The following ST18 variants were observed in gnomAD, a reference collection of about 807,000 sequenced individuals.
The protein encoded by ST18 is ST18 C2H2C-type zinc finger transcription factor.
ST18 carries 50 observed loss-of-function variants against 110.0 expected under a neutral mutation model. That is an observed-to-expected ratio of 0.45 (90% confidence interval 0.36 to 0.58). The LOEUF (loss-of-function observed/expected upper bound fraction) is 0.58. Among genes scored for constraint, ST18 ranks in the 20% least tolerant of loss-of-function variants. The pLI is 0.00. For missense variants in ST18, 1,306 were observed against 1,280.1 expected (o/e 1.02, Z -0.31); for synonymous variants, 461 against 452.4 (o/e 1.02, Z -0.24).
At chr8:52,350,745 G>C (rs1819922055) in intron 2 of ST18, among the ~76,000 whole-genome samples, 1 of 150,680 alleles carries the variant, frequency 6.6e-6, no homozygotes. Flanking sequence ...TTTTGAGATG[G>C]AGTCTCGCTC....
At chr8:52,204,866 G>A (rs2079376076) in intron 8 of ST18, among the ~76,000 whole-genome samples, 2 of 152,070 alleles carry the variant, frequency 1.3e-5, no homozygotes, top group African/African-American at 4.8e-5. Context: ...GGTTGACAGA[G>A]GCCACCAATA....
At chr8:52,125,877 CA>C in intron 23 of ST18, 174 bp downstream of exon 23, 1 of 563,648 alleles carries the variant, frequency 1.8e-6, no homozygotes, top group Non-Finnish European at 3.0e-6. Context: ...AGGAAAACAC[CA>C]AAAAATTGGT....
intron 10 of ST18, among the ~76,000 whole-genome samples, chr8:52,169,066 T>C (rs1013657002): frequency 7.2e-5 from 11 of 152,120 alleles, no homozygotes; most frequent in Admixed American, 3.3e-4. Context: ...GAGAGGGTGC[T>C]AGAGATAAGG....
Position 52,180,268 on chromosome 8 carries a change from T to A in ST18, c.131A>T (p.Asp44Val), listed in dbSNP as rs1198243517. 1 of 1,614,222 alleles carries A rather than the reference T, an allele frequency of 6.2e-7. No individual in the cohort carries two copies. The highest frequency in any genetic ancestry group is 8.5e-7 in the Non-Finnish European group (1 of 1,180,034). Residue 44 changes from aspartate (D) to valine (V), a missense_variant, in exon 9 of 26, where the codon GAT becomes GTT. Physicochemically the swap from Asp to Val is radical, Grantham distance 152. Transcript: ENST00000689386. ...CSMAKKRTAE[D>V]QALGVPVNKR... ...GTTGACTGGAACCCCCAAAGCCTGA[T>A]CTTCAGCTGTTCTCTTCTTTGCCAT... is the stretch of plus-strand genomic sequence containing the variant.
At chr8:52,254,363 A>G (rs1161387576) in intron 2 of ST18, 1 of 152,176 alleles carries the variant, frequency 6.6e-6, no homozygotes, top group East Asian at 1.9e-4. Flanking sequence ...AGTGCCTTTG[A>G]CTGCTTAGAG....
At chr8:52,224,202 T>C (rs986252471) in intron 3 of ST18, among the ~76,000 whole-genome samples, 1 of 152,240 alleles carries the variant, frequency 6.6e-6, no homozygotes, top group South Asian at 2.1e-4. Flanking sequence ...TATGATACTT[T>C]AAGTTATAGT....
intron 2 of ST18, among the ~76,000 whole-genome samples, chr8:52,280,769 A>G (rs1194042825): frequency 6.6e-6 from 1 of 152,082 alleles, no homozygotes; most frequent in South Asian, 2.1e-4. Flanking sequence ...AATTGGACAC[A>G]TCTATCATAA....
At chr8:52,276,144 TGC>T (rs2139023624) in intron 2 of ST18, among the ~76,000 whole-genome samples, 1 of 7,240 alleles carries the variant, frequency 1.4e-4, no homozygotes, top group Non-Finnish European at 3.3e-4. Context: ...ACACACCACA[TGC>T]ACACCACGCA....
chr8:52,286,948 A>G (rs1459009410), intron 2 of ST18, among the ~76,000 whole-genome samples: 5 of 152,048 alleles, frequency 3.3e-5, no homozygotes, highest in Admixed American at 3.3e-4. Flanking sequence ...GGTATGTGTG[A>G]TACAGGTGTG....
chr8:52,329,374 C>T (rs936122943), intron 2 of ST18, among the ~76,000 whole-genome samples: 3 of 152,024 alleles, frequency 2.0e-5, no homozygotes, highest in African/African-American at 7.3e-5. Flanking sequence ...ATGGAGACAG[C>T]CTCCAGCAGA....
chr8:52,328,043 C>T (rs954929513), intron 2 of ST18, among the ~76,000 whole-genome samples: 1 of 152,170 alleles, frequency 6.6e-6, no homozygotes, highest in African/African-American at 2.4e-5. Context: ...TGAGAATAAT[C>T]TTAACTCAAG....
chr8:52,409,129 A>G (rs1474469256), intron 2 of ST18, 199 bp downstream of exon 2: 2 of 152,240 alleles, frequency 1.3e-5, no homozygotes, highest in Non-Finnish European at 2.9e-5. Context: ...AGCCGGCATT[A>G]GAAACAACTC....
At chr8:52,113,954 G>GTTT (rs1158213340) in intron 25 of ST18, among the ~76,000 whole-genome samples, 3,920 of 45,320 alleles carry the variant, frequency 0.086, 1,451 homozygotes, top group Non-Finnish European at 0.11. Flanking sequence ...TTCATACCGT[G>GTTT]TTTTTTTTTT....
chr8:52,169,125 C>T (rs1563826343), intron 10 of ST18, among the ~76,000 whole-genome samples: 1 of 152,112 alleles, frequency 6.6e-6, no homozygotes, highest in South Asian at 2.1e-4. Flanking sequence ...CACCGTGCCC[C>T]TTTGTCTGTA....
intron 2 of ST18, among the ~76,000 whole-genome samples, chr8:52,342,591 A>T (rs1815618166): frequency 6.6e-6 from 1 of 152,240 alleles, no homozygotes; most frequent in South Asian, 2.1e-4. Context: ...GCTGGGCAGC[A>T]CATATCAAAT....
At chr8:52,351,519 T>C (rs746349250) in intron 2 of ST18, among the ~76,000 whole-genome samples, 2 of 152,206 alleles carry the variant, frequency 1.3e-5, no homozygotes, top group African/African-American at 2.4e-5. Flanking sequence ...CTCTGAGATA[T>C]ACTGAACTCT....
Position 52,159,808 on chromosome 8 carries a change from G to A in ST18, c.1595-699C>T, listed in dbSNP as rs964641533. 7.9e-5 allele frequency among the ~76,000 whole-genome samples: 12 copies of A among 152,268 alleles called. No homozygotes were observed. The South Asian group carries it at 2.1e-3, about 26-fold the overall frequency. ...TATCAAGGCTGAGTTTCCATTTTAT[G>A]TTTCTGTTGTGGGTACCAAGGCATT... On this transcript the variant is annotated intron_variant, in intron 14 of 25. Transcript: ENST00000689386.
chr8:52,386,165 C>G (rs1836668351), intron 2 of ST18, among the ~76,000 whole-genome samples: 1 of 152,094 alleles, frequency 6.6e-6, no homozygotes, highest in African/African-American at 2.4e-5. Flanking sequence ...TAAAATAAGA[C>G]AAAACATCAG....
intron 2 of ST18, among the ~76,000 whole-genome samples, chr8:52,309,324 C>T (rs897414949): frequency 2.6e-5 from 4 of 152,146 alleles, no homozygotes; most frequent in African/African-American, 9.6e-5. Flanking sequence ...ATTTCGAGAC[C>T]AGCCTGACCA....
Sources: allele counts gnomAD v4.1 joint callset (sites outside exome capture counted in the v4.1 genomes callset), GRCh38; gene constraint gnomAD v4.1.1; transcripts MANE v1.5; gene names NCBI Gene and HGNC (gene_info 2026-07-23, HGNC 2026-07-21).